TMEM50A: variants seen among roughly 807,000 people sequenced by gnomAD.
The protein encoded by TMEM50A is cervical cancer oncogene 9.
TMEM50A carries 8 observed loss-of-function variants against 23.9 expected under a neutral mutation model. The observed-to-expected ratio is 0.33, with a 90% CI of 0.20 to 0.60. The LOEUF is 0.60. Ranked by LOEUF, TMEM50A falls within the 20% of genes least tolerant of loss-of-function variation. The pLI is 0.81. For synonymous variants in TMEM50A, 55 were observed against 60.4 expected (o/e 0.91, Z 0.41); for missense variants, 178 against 192.7 (o/e 0.92, Z 0.45).
intron 3 of TMEM50A, among the ~76,000 whole-genome samples, chr1:25,350,102 G>A (rs1645261448): frequency 6.6e-6 from 1 of 152,158 alleles, no homozygotes; most frequent in Non-Finnish European, 1.5e-5. Flanking sequence ...TTTACCACTT[G>A]AATCTCTATT....
At chr1:25,341,869 T>G (rs1274273882) in intron 2 of TMEM50A, among the ~76,000 whole-genome samples, 2 of 94,834 alleles carry the variant, frequency 2.1e-5, no homozygotes, top group African/African-American at 5.6e-5. Flanking sequence ...TAATTTTTGT[T>G]TTTTTTTTTG....
intron 3 of TMEM50A, among the ~76,000 whole-genome samples, chr1:25,344,780 ATTC>A (rs1037329816): frequency 4.5e-4 from 68 of 149,672 alleles, no homozygotes; most frequent in African/African-American, 1.4e-3. Context: ...GATTCATTTT[ATTC>A]TTCTTGAATG....
chr1:25,341,258 T>G (rs998222306), intron 2 of TMEM50A, among the ~76,000 whole-genome samples: 1 of 147,586 alleles, frequency 6.8e-6, no homozygotes, highest in Non-Finnish European at 1.5e-5. Context: ...GTTGTTTTTG[T>G]TTTTTTTGGT....
rs186724687 is a variant in TMEM50A, at chr1:25,359,884, G to A, written c.429-776G>A. Among the ~76,000 whole-genome samples, 14 of 152,192 alleles carry A rather than the reference G, an allele frequency of 9.2e-5. No homozygotes were observed. The East Asian group carries it at 2.3e-3, about 25-fold the overall frequency. ...CTTTTCTAACTTATTCAGGGTGACC[G>A]AATTCTGTGTTTCTGTGCCCCCTTA... is the stretch of plus-strand genomic sequence containing the variant. On this transcript the variant is annotated intron_variant, in intron 6 of 6. Coordinates refer to ENST00000374358, the MANE Select transcript of TMEM50A (RefSeq NM_014313.4).
chr1:25,340,569 C>T lies in TMEM50A; in HGVS notation c.83C>T (p.Ala28Val). The T allele has an allele frequency of 6.2e-7, 1 of 1,612,956 alleles. No homozygotes were observed. Among genetic ancestry groups the T allele is most frequent in the Non-Finnish European group, 8.5e-7 (1 of 1,179,464 alleles). The change falls in exon 2 of 7, where the codon GCT becomes GTT. Residue 28 changes from alanine (A) to valine (V), a missense_variant. Ala to Val is a moderately conservative substitution (Grantham distance 64, BLOSUM62 0). Coordinates refer to ENST00000374358, the MANE Select transcript of TMEM50A (RefSeq NM_014313.4). ...CGCAATACTATTGCTTCCATTGCTG[C>T]TGGTGTACTAGTAAGTGTCATTGAT... ...EKRNTIASIA[A>V]GVLFFTGWWI...
intron 3 of TMEM50A, among the ~76,000 whole-genome samples, chr1:25,343,795 G>A (rs1341060769): frequency 6.6e-6 from 1 of 152,178 alleles, no homozygotes; most frequent in Non-Finnish European, 1.5e-5. Flanking sequence ...ATATATAAGA[G>A]AGGTTCATTC....
At chr1:25,351,424 A>T (rs1440931544) in intron 3 of TMEM50A, among the ~76,000 whole-genome samples, 1 of 152,028 alleles carries the variant, frequency 6.6e-6, no homozygotes, top group Non-Finnish European at 1.5e-5. Context: ...TGGGAGGATC[A>T]CTTGAGCCTG....
chr1:25,360,887 T>C lies in TMEM50A; in HGVS notation c.*182T>C. ...CAACAACCAAAAATCTATTGTGGTA[T>C]GCACTTGATTAACTTATAAAATGTT... On this transcript the variant is annotated 3_prime_UTR_variant, in exon 7 of 7. Transcript: ENST00000374358. The C allele has an allele frequency of 1.0e-5, 5 of 488,984 alleles. No homozygotes were observed. The highest frequency in any genetic ancestry group is 3.6e-6 in the Non-Finnish European group (1 of 281,426). 30.3% of individuals were successfully genotyped at this position (488,984 alleles called of 1,614,324 possible).
intron 3 of TMEM50A, 35 bp from the exon 4 acceptor site, chr1:25,351,591 G>T: frequency 6.4e-7 from 1 of 1,565,610 alleles, no homozygotes; most frequent in South Asian, 1.2e-5. Context: ...TGGTGTCATG[G>T]ACCCTGATTT....
chr1:25,361,551 C>T lies in TMEM50A; in HGVS notation c.*846C>T, dbSNP rs138543922. 501 of 152,350 alleles carry T rather than the reference C, an allele frequency of 3.3e-3. 2 individuals carry two copies. The highest frequency in any genetic ancestry group is 0.017 in the Middle Eastern group (5 of 294). 9.4% of individuals were successfully genotyped at this position (152,350 alleles called of 1,614,324 possible). A position where few individuals can be genotyped will look rare whatever the true frequency, so the allele number is the denominator to read the frequency against. On this transcript the variant is annotated 3_prime_UTR_variant, in exon 7 of 7. Transcript: ENST00000374358. The stretch of plus-strand genomic sequence containing the variant: ...GAACCACTAGCCTAATAGACCAGCA[C>T]GGTCAACTAGAATGACAAACATTAG...
chr1:25,354,802 A>G (rs3093623), intron 5 of TMEM50A, among the ~76,000 whole-genome samples: 114 of 151,946 alleles, frequency 7.5e-4, no homozygotes, highest in African/African-American at 2.6e-3. Flanking sequence ...TTTTATATGT[A>G]TATTTGTTGC....
chr1:25,353,199 A>G (rs1477151333), intron 5 of TMEM50A, among the ~76,000 whole-genome samples: 1 of 152,188 alleles, frequency 6.6e-6, no homozygotes, highest in Admixed American at 6.5e-5. Flanking sequence ...CAGAGCCTGG[A>G]AGGGATGAGA....
chr1:25,349,005 G>T (rs1278820186), intron 3 of TMEM50A, among the ~76,000 whole-genome samples: 3 of 152,150 alleles, frequency 2.0e-5, no homozygotes, highest in Non-Finnish European at 4.4e-5. Flanking sequence ...CTCAGATCCT[G>T]AGCAGGGTGA....
chr1:25,339,246 T>C (rs576118607), intron 1 of TMEM50A, among the ~76,000 whole-genome samples: 6 of 152,154 alleles, frequency 3.9e-5, no homozygotes, highest in Middle Eastern at 3.2e-3. Flanking sequence ...TACTCTGAAA[T>C]AGAGATAACA....
At chr1:25,350,460 A>T (rs1645264388) in intron 3 of TMEM50A, among the ~76,000 whole-genome samples, 4 of 151,972 alleles carry the variant, frequency 2.6e-5, no homozygotes. Flanking sequence ...GCACGATCTG[A>T]GCTCACCACA....
chr1:25,355,309 A>T (rs1645323000), intron 5 of TMEM50A, among the ~76,000 whole-genome samples: 1 of 152,112 alleles, frequency 6.6e-6, no homozygotes, highest in Non-Finnish European at 1.5e-5. Context: ...CCCTCTCAAA[A>T]ATCAAAACAA....
In TMEM50A at chr1:25,343,051, A is replaced by G; in HGVS notation, c.184A>G (p.Ile62Val). ...FNHSYHACGVIATIAFLMINA... is the reference protein window; with the variant it reads ...FNHSYHACGVVATIAFLMINA... ...CCACTCATACCATGCCTGTGGTGTT[A>G]TAGCAACCATAGCCTTCCTAATGTA... Residue 62 changes from isoleucine to valine, a missense_variant, in exon 3 of 7, where the codon ATA becomes GTA. Physicochemically the swap from Ile to Val is conservative, Grantham distance 29 (BLOSUM62 3). Coordinates refer to ENST00000374358, the MANE Select transcript of TMEM50A (RefSeq NM_014313.4). The G allele has an allele frequency of 1.2e-6, 2 of 1,612,220 alleles. No homozygotes were observed. The highest frequency in any genetic ancestry group is 2.2e-5 in the South Asian group (2 of 90,608).
Position 25,361,526 on chromosome 1 carries a change from G to C in TMEM50A, c.*821G>C, listed in dbSNP as rs1645403817. On this transcript the variant is annotated 3_prime_UTR_variant, in exon 7 of 7. Transcript: ENST00000374358. ...CCATGTTGCATTTCATCTGTGTACT[G>C]AACCACTAGCCTAATAGACCAGCAC... 6.6e-6 allele frequency: 1 copy of C among 152,170 alleles called. No homozygotes were observed. Among genetic ancestry groups the C allele is most frequent in the Admixed American group, 6.6e-5 (1 of 15,252 alleles). The allele number at this position is 152,170 out of a possible 1,614,324, so 9.4% of individuals were successfully genotyped here.
chr1:25,357,526 G>GGTGTGTGT (rs1382745528), intron 6 of TMEM50A, among the ~76,000 whole-genome samples: 1 of 121,514 alleles, frequency 8.2e-6, no homozygotes, highest in African/African-American at 3.4e-5. Flanking sequence ...CTCTGCATCA[G>GGTGTGTGT]GAGTGTGTGT....
Sources: allele counts gnomAD v4.1 joint callset (sites outside exome capture counted in the v4.1 genomes callset), GRCh38; gene constraint gnomAD v4.1.1; transcripts MANE v1.5; gene names NCBI Gene and HGNC (gene_info 2026-07-23, HGNC 2026-07-21).